Variants in MGAT5 observed in about 807,000 individuals in gnomAD.
MGAT5 encodes alpha-1,6-mannosylglycoprotein 6-beta-N-acetylglucosaminyltransferase A.
A neutral mutation model predicts 94.3 loss-of-function variants in MGAT5; 30 were observed. The ratio of observed to expected loss-of-function variants is 0.32; its 90% CI spans 0.24 to 0.43. MGAT5 has a LOEUF of 0.43. Among genes scored for constraint, MGAT5 ranks in the 20% least tolerant of loss-of-function variants. The pLI, the probability that MGAT5 is intolerant of heterozygous loss-of-function variation, is 1.00. For synonymous variants in MGAT5, 310 were observed against 322.9 expected, an observed-to-expected ratio of 0.96 and a Z score of 0.43; for missense variants, 691 against 905.5, an observed-to-expected ratio of 0.76 and a Z score of 3.04.
chr2:134,219,137 A>G (rs1680633237), intron 1 of MGAT5, among the ~76,000 whole-genome samples: 1 of 152,190 alleles, frequency 6.6e-6, no homozygotes, highest in South Asian at 2.1e-4. Flanking sequence ...CAGAGGAAGT[A>G]GCAGCGAGCC....
At chr2:134,406,598 G>T (rs557739315) in intron 11 of MGAT5, among the ~76,000 whole-genome samples, 1 of 152,268 alleles carries the variant, frequency 6.6e-6, no homozygotes, top group Admixed American at 6.5e-5. Context: ...CCTGTCTAAG[G>T]CAGGTGCGGT....
chr2:134,200,230 G>C (rs934488006), intron 1 of MGAT5, among the ~76,000 whole-genome samples: 4 of 140,562 alleles, frequency 2.8e-5, no homozygotes, highest in Admixed American at 2.4e-4. Flanking sequence ...CTGACTGACT[G>C]ACCTTGGTAA....
intron 12 of MGAT5, among the ~76,000 whole-genome samples, chr2:134,413,602 T>C (rs544536346): frequency 6.6e-6 from 1 of 152,362 alleles, no homozygotes; most frequent in East Asian, 1.9e-4. Flanking sequence ...GGTAGTTGGA[T>C]TTGATTTAGG....
intron 5 of MGAT5, among the ~76,000 whole-genome samples, chr2:134,337,826 G>T (rs888974690): frequency 6.6e-6 from 1 of 152,020 alleles, no homozygotes; most frequent in Non-Finnish European, 1.5e-5. Context: ...TGGACAGAAA[G>T]AGGCTTTCTG....
At chr2:134,236,854 T>C (rs1449987063) in intron 1 of MGAT5, among the ~76,000 whole-genome samples, 1 of 152,160 alleles carries the variant, frequency 6.6e-6, no homozygotes, top group Non-Finnish European at 1.5e-5. Flanking sequence ...CTCAAAACTT[T>C]AGCATCATTG....
intron 11 of MGAT5, among the ~76,000 whole-genome samples, chr2:134,411,758 AC>A (rs1683677027): frequency 6.6e-6 from 1 of 152,214 alleles, no homozygotes; most frequent in African/African-American, 2.4e-5. Context: ...CTGTGAAAAG[AC>A]CGAGGGAAAA....
chr2:134,396,881 G>A (rs1682744654), intron 10 of MGAT5, among the ~76,000 whole-genome samples: 1 of 152,232 alleles, frequency 6.6e-6, no homozygotes, highest in South Asian at 2.1e-4. Context: ...AGACAGCATT[G>A]ACCTTCACCT....
At chr2:134,148,828 G>A (rs901724577) in intron 1 of MGAT5, among the ~76,000 whole-genome samples, 1 of 136,690 alleles carries the variant, frequency 7.3e-6, no homozygotes, top group Non-Finnish European at 1.5e-5. Flanking sequence ...GTGTGATCTC[G>A]GCTCACCGCA....
chr2:134,382,654 C>T (rs930277812), intron 10 of MGAT5, among the ~76,000 whole-genome samples: 4 of 152,202 alleles, frequency 2.6e-5, no homozygotes, highest in Middle Eastern at 3.2e-3. Flanking sequence ...GGATTGAACA[C>T]TACTGTGAAG....
At chr2:134,340,026 T>C (rs1474323042) in intron 6 of MGAT5, among the ~76,000 whole-genome samples, 1 of 152,116 alleles carries the variant, frequency 6.6e-6, no homozygotes, top group African/African-American at 2.4e-5. Flanking sequence ...AGAAGTGGGA[T>C]TTGCAGTGTG....
chr2:134,428,490 A>G, intron 14 of MGAT5, 51 bp downstream of exon 14: 1 of 1,510,656 alleles, frequency 6.6e-7, no homozygotes, highest in Non-Finnish European at 9.2e-7. Context: ...GCTTCCTGTG[A>G]CGCCATAGGG....
intron 11 of MGAT5, among the ~76,000 whole-genome samples, chr2:134,403,367 G>C (rs1462338853): frequency 2.6e-5 from 4 of 152,166 alleles, no homozygotes; most frequent in African/African-American, 7.2e-5. Flanking sequence ...GACCTACTCA[G>C]TGTTAGGTGT....
chr2:134,436,287 C>T (rs1314977081), intron 14 of MGAT5, among the ~76,000 whole-genome samples: 1 of 152,176 alleles, frequency 6.6e-6, no homozygotes, highest in Non-Finnish European at 1.5e-5. Flanking sequence ...TTCAGGCCTC[C>T]CTCTGTTCAG....
intron 10 of MGAT5, among the ~76,000 whole-genome samples, chr2:134,402,613 C>G (rs994059030): frequency 6.6e-6 from 1 of 152,148 alleles, no homozygotes; most frequent in Admixed American, 6.5e-5. Context: ...ACTTCCTCTC[C>G]TAGAGGTAGG....
intron 1 of MGAT5, among the ~76,000 whole-genome samples, chr2:134,126,139 C>G (rs1685829661): frequency 6.6e-6 from 1 of 152,184 alleles, no homozygotes; most frequent in Non-Finnish European, 1.5e-5. Flanking sequence ...TGGAATCTTC[C>G]CATTGGACAT....
At chr2:134,239,418 A>G (rs946453826) in intron 1 of MGAT5, among the ~76,000 whole-genome samples, 4 of 152,190 alleles carry the variant, frequency 2.6e-5, no homozygotes, top group East Asian at 1.9e-4. Flanking sequence ...TCTGATTACT[A>G]CTAGAATAGA....
chr2:134,298,663 G>C (rs1685839163), intron 2 of MGAT5, among the ~76,000 whole-genome samples: 1 of 152,076 alleles, frequency 6.6e-6, no homozygotes, highest in African/African-American at 2.4e-5. Context: ...AATAAATTTG[G>C]TACTGCAGAT....
chr2:134,438,014 C>CAAA (rs1276833339), intron 14 of MGAT5, among the ~76,000 whole-genome samples: 21,831 of 100,704 alleles, frequency 0.22, 2,449 homozygotes, highest in East Asian at 0.44. Context: ...GACTCCGTCT[C>CAAA]AAAAAAAAAA....
chr2:134,337,449 C>T (rs1688398353), intron 5 of MGAT5, among the ~76,000 whole-genome samples: 1 of 152,088 alleles, frequency 6.6e-6, no homozygotes, highest in South Asian at 2.1e-4. Context: ...GCATTCCAGT[C>T]TGGGTGGGAG....
Sources: allele counts gnomAD v4.1 joint callset (sites outside exome capture counted in the v4.1 genomes callset), GRCh38; gene constraint gnomAD v4.1.1; transcripts MANE v1.5; gene names NCBI Gene and HGNC (gene_info 2026-07-23, HGNC 2026-07-21).